The following ZMYND11 variants were observed in gnomAD, a reference collection of about 807,000 sequenced individuals.
ZMYND11 encodes the protein zinc finger MYND domain-containing protein 11.
ZMYND11 carries 9 observed loss-of-function variants against 84.9 expected under a neutral mutation model. The ratio of observed to expected loss-of-function variants is 0.11; its 90% CI spans 0.06 to 0.18. ZMYND11 has a LOEUF of 0.18. Ranked by LOEUF, ZMYND11 falls within the 10% of genes least tolerant of loss-of-function variation. The pLI, the probability that ZMYND11 is intolerant of heterozygous loss-of-function variation, is 1.00. For missense variants in ZMYND11, 409 were observed against 761.0 expected, an observed-to-expected ratio of 0.54 and a Z score of 5.44; for synonymous variants, 250 against 244.1, an observed-to-expected ratio of 1.02 and a Z score of -0.23.
At position 227,976 on chromosome 10, in the gene ZMYND11, T is replaced by G. The variant is rs1465383280; in HGVS notation, c.438+6620T>G. On this transcript the variant is annotated intron_variant, in intron 4 of 14. Coordinates refer to ENST00000381604, the MANE Select transcript of ZMYND11 (RefSeq NM_001370100.5). ...GAACATTAATCAAATATTTTTACAA[T>G]TTTTAAGACAACTTATAATTTTATA... Among the ~76,000 whole-genome samples the G allele has an allele frequency of 2.0e-5, 3 of 152,296 alleles. No homozygotes were observed. In the East Asian group the frequency reaches 5.8e-4, roughly 29 times the overall value.
rs576297175 is a variant in ZMYND11, at chr10:175,100, C to T, written c.-19-4894C>T. On this transcript the variant is annotated intron_variant, in intron 1 of 14. Coordinates refer to ENST00000381604, the MANE Select transcript of ZMYND11 (RefSeq NM_001370100.5). Reference sequence around the variant, plus strand: ...GTGAACCCTAATGTATACTGTGGACCTTGGGTCATAATGATATGTCAGTGT... The same window carrying T: ...GTGAACCCTAATGTATACTGTGGACTTTGGGTCATAATGATATGTCAGTGT... Among the ~76,000 whole-genome samples the T allele has an allele frequency of 3.9e-5, 6 of 152,190 alleles. No individual in the cohort carries two copies. In the South Asian group the frequency reaches 1.0e-3, roughly 26 times the overall value.
chr10:134,811 G>A (rs1835495796), upstream of ZMYND11: 1 of 152,170 alleles, frequency 6.6e-6, no homozygotes, highest in Non-Finnish European at 1.5e-5. Flanking sequence ...CGTGTGTGTG[G>A]ATACGGAGTG....
At chr10:173,562 A>G (rs1845869398) in intron 1 of ZMYND11, among the ~76,000 whole-genome samples, 1 of 152,146 alleles carries the variant, frequency 6.6e-6, no homozygotes, top group Admixed American at 6.6e-5. Flanking sequence ...CAAAACATTA[A>G]CAAATAAAAC....
chr10:191,731 C>G (rs1940460577), intron 2 of ZMYND11, among the ~76,000 whole-genome samples: 1 of 152,202 alleles, frequency 6.6e-6, no homozygotes, highest in South Asian at 2.1e-4. Flanking sequence ...AAATAACCCT[C>G]TGTAATTTCT....
At chr10:225,771 A>G (rs1948011418) in intron 4 of ZMYND11, among the ~76,000 whole-genome samples, 1 of 152,222 alleles carries the variant, frequency 6.6e-6, no homozygotes, top group African/African-American at 2.4e-5. Context: ...CATGTGCTCC[A>G]TGCTTGCTGG....
At chr10:216,741 G>A (rs1441674328) in intron 3 of ZMYND11, among the ~76,000 whole-genome samples, 1 of 152,012 alleles carries the variant, frequency 6.6e-6, no homozygotes, top group Non-Finnish European at 1.5e-5. Context: ...TTATTCAAGA[G>A]GATTTTTTGG....
At chr10:144,841 C>T (rs1335740312) in intron 1 of ZMYND11, among the ~76,000 whole-genome samples, 1 of 149,126 alleles carries the variant, frequency 6.7e-6, no homozygotes, top group East Asian at 1.9e-4. Context: ...TTTAGTGCAC[C>T]CATCACCTGA....
intron 9 of ZMYND11, 74 bp downstream of exon 9, chr10:241,044 A>ATAAT (rs1950810813): frequency 8.2e-7 from 1 of 1,222,888 alleles, no homozygotes; most frequent in African/African-American, 1.5e-5. Context: ...GTTAAAGATT[A>ATAAT]TAATTTTCTT....
At chr10:159,148 T>G (rs1382428234) in intron 1 of ZMYND11, among the ~76,000 whole-genome samples, 3 of 150,956 alleles carry the variant, frequency 2.0e-5, no homozygotes, top group African/African-American at 7.3e-5. Flanking sequence ...CTGACTGTAC[T>G]CCACTGTATG....
rs753567520 is a variant in ZMYND11 at position 229,735 on chromosome 10, A to G, written c.439-7103A>G. On this transcript the variant is annotated intron_variant, in intron 4 of 14. Transcript: ENST00000381604. The stretch of plus-strand genomic sequence containing the variant: ...ATGATTTTCACTGATGGGCTACTTG[A>G]GTCTTAGTGGTTTGAAGGGAGAAGT... Among the ~76,000 whole-genome samples, 3 of 152,188 alleles carry G rather than the reference A, an allele frequency of 2.0e-5. No homozygotes were observed. In the East Asian group the frequency reaches 5.8e-4, roughly 29 times the overall value.
At chr10:153,709 G>A (rs1156750275) in intron 1 of ZMYND11, among the ~76,000 whole-genome samples, 10 of 152,136 alleles carry the variant, frequency 6.6e-5, no homozygotes, top group Admixed American at 6.5e-4. Flanking sequence ...TGTTGTCCTA[G>A]GGGAAATAGA....
At chr10:152,648 A>G (rs1840677069) in intron 1 of ZMYND11, among the ~76,000 whole-genome samples, 1 of 152,200 alleles carries the variant, frequency 6.6e-6, no homozygotes, top group Non-Finnish European at 1.5e-5. Context: ...CATTAGACAT[A>G]TCAATGAAAC....
chr10:236,121 C>T (rs1317998378), intron 4 of ZMYND11, among the ~76,000 whole-genome samples: 3 of 152,178 alleles, frequency 2.0e-5, no homozygotes, highest in African/African-American at 2.4e-5. Flanking sequence ...TGATGATGTT[C>T]GCGTGCCTGG....
chr10:248,404 A>C lies in ZMYND11; in HGVS notation c.1296A>C (p.Glu432Asp), dbSNP rs758403478. 3 of 1,614,232 alleles carry C rather than the reference A, an allele frequency of 1.9e-6. No homozygotes were observed. Among genetic ancestry groups the C allele is most frequent in the Non-Finnish European group, 2.5e-6 (3 of 1,180,038 alleles). ...QEIPTMPQPI[E>D]KVSVSTQTKK... ...TACCCACGATGCCTCAGCCCATCGA[A>C]AAAGTCTCCGTGTCAACTCAGACAA... The change falls in exon 13 of 15, where the codon GAA becomes GAC. Residue 432 changes from glutamate (E) to aspartate (D), a missense_variant. Glu to Asp is a conservative substitution (Grantham distance 45). This residue lies in a region of ZMYND11 where 141 missense variants were observed against 173.8 expected (regional missense o/e 0.81). Transcript: ENST00000381604.
intron 3 of ZMYND11, among the ~76,000 whole-genome samples, chr10:217,211 G>A (rs965163547): frequency 2.0e-5 from 3 of 152,290 alleles, no homozygotes; most frequent in African/African-American, 7.2e-5. Flanking sequence ...CTAAGTCAGA[G>A]TTAATATTTC....
chr10:233,948 T>C (rs907672608), intron 4 of ZMYND11, among the ~76,000 whole-genome samples: 2 of 152,220 alleles, frequency 1.3e-5, no homozygotes, highest in Non-Finnish European at 2.9e-5. Context: ...GTGTAGTATC[T>C]ACAATTTATG....
intron 1 of ZMYND11, chr10:147,819 G>A (rs1353275715): frequency 1.3e-5 from 2 of 151,982 alleles, no homozygotes; most frequent in South Asian, 2.1e-4. Flanking sequence ...CTTGAGATAC[G>A]TTATAGTCAG....
intron 4 of ZMYND11, among the ~76,000 whole-genome samples, chr10:229,058 C>A (rs1948578090): frequency 1.3e-5 from 2 of 152,136 alleles, no homozygotes; most frequent in Non-Finnish European, 2.9e-5. Flanking sequence ...GTTACTAAGT[C>A]AGCCCAGTAG....
chr10:164,250 C>A (rs527453253), intron 1 of ZMYND11, among the ~76,000 whole-genome samples: 2 of 152,240 alleles, frequency 1.3e-5, no homozygotes, highest in South Asian at 4.1e-4. Context: ...ATACCGAGTT[C>A]TTTCTCAATT....
Sources: gnomAD v4.1 joint callset for allele counts (sites outside exome capture counted in the v4.1 genomes callset) on GRCh38, gnomAD v4.1.1 for gene constraint, gnomAD v4.1.1 regional missense constraint, MANE v1.5 for transcripts, NCBI Gene and HGNC (gene_info 2026-07-23, HGNC 2026-07-21) for gene names.